Variants in OPA1 observed in about 807,000 individuals in gnomAD.
OPA1 encodes dynamin-like GTPase OPA1, mitochondrial.
Under a neutral mutation model 152.9 loss-of-function variants are expected in OPA1, and 59 were observed. The observed-to-expected ratio is 0.39, with a 90% CI of 0.31 to 0.48. The LOEUF (loss-of-function observed/expected upper bound fraction) is 0.48. Ranked by LOEUF, OPA1 falls within the 20% of genes least tolerant of loss-of-function variation. The probability of loss-of-function intolerance (pLI) is 0.96; values close to 1 mark genes in which losing one functional copy is unlikely to be tolerated. For missense variants in OPA1, 1,008 were observed against 1,216.8 expected, an observed-to-expected ratio of 0.83 and a Z score of 2.55; for synonymous variants, 400 against 389.9, an observed-to-expected ratio of 1.03 and a Z score of -0.31.
Position 193,643,056 on chromosome 3 carries a change from G to A in OPA1, c.1305+7G>A, listed in dbSNP as rs1201495034. ...CTGTACCGTTAGCCCTGAGGTAAGGGTTGCAATTCATTTCAGTGACGTTTT... is the reference window on the plus strand; with the variant it reads ...CTGTACCGTTAGCCCTGAGGTAAGGATTGCAATTCATTTCAGTGACGTTTT... On this transcript the variant is annotated splice_region_variant and intron_variant, in intron 13 of 30. Transcript: ENST00000361510. 2 of 1,606,100 alleles carry A rather than the reference G, an allele frequency of 1.2e-6. No homozygotes were observed. Among genetic ancestry groups the A allele is most frequent in the South Asian group, 1.1e-5 (1 of 90,848 alleles).
intron 7 of OPA1, among the ~76,000 whole-genome samples, chr3:193,627,873 A>G (rs1287645136): frequency 6.6e-6 from 1 of 152,102 alleles, no homozygotes; most frequent in African/African-American, 2.4e-5. Flanking sequence ...TGTAAATTAG[A>G]GACTGGCAAG....
chr3:193,656,043 TTGC>T (rs1270574638), intron 22 of OPA1, among the ~76,000 whole-genome samples: 2 of 152,178 alleles, frequency 1.3e-5, no homozygotes, highest in African/African-American at 2.4e-5. Flanking sequence ...AAGTTGCACG[TTGC>T]TGAGCCCTGG....
intron 8 of OPA1, among the ~76,000 whole-genome samples, chr3:193,635,094 C>T (rs1340800298): frequency 6.6e-6 from 1 of 152,188 alleles, no homozygotes; most frequent in East Asian, 1.9e-4. Flanking sequence ...ATAGGAAATA[C>T]TCCCTTCTAG....
intron 2 of OPA1, 145 bp downstream of exon 2, chr3:193,615,186 T>C (rs1728828909): frequency 2.8e-6 from 2 of 719,630 alleles, no homozygotes; most frequent in South Asian, 1.6e-5. Flanking sequence ...GTTTTAATGA[T>C]GCTAATAGGA....
chr3:193,650,729 G>A (rs1244661295), intron 21 of OPA1, among the ~76,000 whole-genome samples: 1 of 152,104 alleles, frequency 6.6e-6, no homozygotes, highest in African/African-American at 2.4e-5. Flanking sequence ...ATACATTATA[G>A]TAGGAAATAC....
rs73069716 is a variant in OPA1 at position 193,663,762 on chromosome 3, C to T, written c.2661+800C>T. Among the ~76,000 whole-genome samples, 236 of 151,908 alleles carry T rather than the reference C, an allele frequency of 1.6e-3. 1 individual carries two copies. The highest frequency in any genetic ancestry group is 5.5e-3 in the African/African-American group (228 of 41,434). ...TGAGTATACTTATTTTAAATTCCAC[C>T]ACAGGTCAGAACAAGTAAAAAAATA... On this transcript the variant is annotated intron_variant, in intron 26 of 30. Coordinates refer to ENST00000361510, the MANE Select transcript of OPA1 (RefSeq NM_130837.3).
At chr3:193,634,775 T>C (rs1403404828) in intron 8 of OPA1, among the ~76,000 whole-genome samples, 1 of 152,168 alleles carries the variant, frequency 6.6e-6, no homozygotes, top group Non-Finnish European at 1.5e-5. Flanking sequence ...ATAGAAGAGT[T>C]TGAGCCTCTG....
At chr3:193,642,466 A>T (rs966479046) in intron 11 of OPA1, among the ~76,000 whole-genome samples, 2 of 152,252 alleles carry the variant, frequency 1.3e-5, no homozygotes, top group Non-Finnish European at 2.9e-5. Context: ...AGTGCTGTGT[A>T]TAGCATTGAC....
intron 29 of OPA1, among the ~76,000 whole-genome samples, chr3:193,681,940 A>G (rs1720204255): frequency 6.6e-6 from 1 of 152,182 alleles, no homozygotes; most frequent in South Asian, 2.1e-4. Context: ...TAACCCTACA[A>G]TGGCCTCTAC....
intron 29 of OPA1, among the ~76,000 whole-genome samples, chr3:193,677,815 C>CT (rs1365920974): frequency 6.6e-6 from 1 of 152,186 alleles, no homozygotes. Context: ...ACGATGTGCT[C>CT]TATCTTAAAA....
At position 193,639,020 on chromosome 3, in the gene OPA1, CAA is replaced by C. The variant is rs201999043; in HGVS notation, c.1149+956_1149+957del. ...GATCTAATAAAGGGGGGAAATGATG[CAA>C]GAGAGAGGGAAAATTGCAAGAGCAA... On this transcript the variant is annotated intron_variant, in intron 11 of 30. Coordinates refer to ENST00000361510, the MANE Select transcript of OPA1 (RefSeq NM_130837.3). 5.8e-3 allele frequency among the ~76,000 whole-genome samples: 886 copies of C among 152,100 alleles called. 12 individuals are homozygous for C. The highest frequency in any genetic ancestry group is 0.019 in the African/African-American group (795 of 41,498).
In OPA1 at chr3:193,640,421, C is replaced by T. The variant is rs375439804; in HGVS notation, c.1150-2344C>T. ...GAGTGCTCAGTGAGGTCACATGCTG[C>T]TGATCCATCAAGGAAGGTGAACATA... is the stretch of plus-strand genomic sequence containing the variant. On this transcript the variant is annotated intron_variant, in intron 11 of 30. Coordinates refer to ENST00000361510, the MANE Select transcript of OPA1 (RefSeq NM_130837.3). Among the ~76,000 whole-genome samples, 133 of 152,304 alleles carry T rather than the reference C, an allele frequency of 8.7e-4. 2 individuals are homozygous for T. The South Asian group carries it at 0.027, about 31-fold the overall frequency.
rs555179848 is a variant in OPA1 at position 193,609,327 on chromosome 3, G to C, written c.33-5396G>C. 4.6e-3 allele frequency among the ~76,000 whole-genome samples: 693 copies of C among 152,272 alleles called. 4 individuals are homozygous for C. Among genetic ancestry groups the C allele is most frequent in the African/African-American group, 0.016 (664 of 41,548 alleles). On this transcript the variant is annotated intron_variant, in intron 1 of 30. Transcript: ENST00000361510. ...AGTTTGGCTGGATATGAAATTCTGG[G>C]TTGAAAATTCTTTTCTTTAAGAATG...
chr3:193,639,265 T>C (rs1009305194), intron 11 of OPA1, among the ~76,000 whole-genome samples: 7 of 152,216 alleles, frequency 4.6e-5, no homozygotes, highest in Admixed American at 4.6e-4. Context: ...GGGTATGTTC[T>C]AGTAGAGGGA....
At chr3:193,691,687 G>C (rs1721708320) in intron 29 of OPA1, 1 of 161,474 alleles carries the variant, frequency 6.2e-6, no homozygotes, top group Admixed American at 6.0e-5. Flanking sequence ...TGGTTTCATT[G>C]TTTTATATTT....
At chr3:193,604,466 C>G (rs945129490) in intron 1 of OPA1, among the ~76,000 whole-genome samples, 6 of 152,130 alleles carry the variant, frequency 3.9e-5, no homozygotes, top group Non-Finnish European at 2.9e-5. Flanking sequence ...CTTTTGGTTG[C>G]AGGTCGAGGA....
chr3:193,644,244 C>G, intron 16 of OPA1, 139 bp downstream of exon 16: 2 of 987,554 alleles, frequency 2.0e-6, no homozygotes, highest in Admixed American at 2.1e-5. Flanking sequence ...AAGGATAAAG[C>G]AAAATCACAA....
At position 193,697,503 on chromosome 3, in the gene OPA1, G is replaced by A. The variant is rs960794346; in HGVS notation, c.*2903G>A. The A allele has an allele frequency of 6.6e-6, 1 of 152,080 alleles. No individual in the cohort carries two copies. The allele number at this position is 152,080 out of a possible 1,614,324, so 9.4% of individuals were successfully genotyped here. A position where few individuals can be genotyped will look rare whatever the true frequency, so the allele number is the denominator to read the frequency against. ...GATCAAAGGTCATTTGTGTAGATGAGTAATTAAAAAATATTTAAATCACAT... is the reference window on the plus strand; with the variant it reads ...GATCAAAGGTCATTTGTGTAGATGAATAATTAAAAAATATTTAAATCACAT... On this transcript the variant is annotated 3_prime_UTR_variant, in exon 31 of 31. Transcript: ENST00000361510.
chr3:193,618,335 G>A (rs573297292), intron 5 of OPA1, among the ~76,000 whole-genome samples: 36 of 151,862 alleles, frequency 2.4e-4, no homozygotes, highest in Non-Finnish European at 4.7e-4. Flanking sequence ...AAAATTTGCC[G>A]GGCGTGGTGG....
Sources: allele counts gnomAD v4.1 joint callset (sites outside exome capture counted in the v4.1 genomes callset), GRCh38; gene constraint gnomAD v4.1.1; transcripts MANE v1.5; gene names NCBI Gene and HGNC (gene_info 2026-07-23, HGNC 2026-07-21).